The following ABL1 variants were observed in gnomAD, a reference collection of about 807,000 sequenced individuals.
ABL1 encodes ABL proto-oncogene 1, non-receptor tyrosine kinase, also known as tyrosine-protein kinase ABL1.
In ABL1, 11 loss-of-function variants were observed where a neutral mutation model predicts 94.7. That is an observed-to-expected ratio of 0.12 (90% CI 0.07 to 0.19). ABL1 has a LOEUF of 0.19. Among genes scored for constraint, ABL1 ranks in the 10% least tolerant of loss-of-function variants. The probability of loss-of-function intolerance (pLI) is 1.00; values close to 1 mark genes in which losing one functional copy is unlikely to be tolerated. For missense variants in ABL1, 1,082 were observed against 1,489.4 expected (o/e 0.73, Z 4.50); for synonymous variants, 656 against 622.4 (o/e 1.05, Z -0.80).
At chr9:130,816,025 T>TATAA (rs1830281661) in intron 1 of ABL1, among the ~76,000 whole-genome samples, 1 of 152,030 alleles carries the variant, frequency 6.6e-6, no homozygotes, top group African/African-American at 2.4e-5. Context: ...TCTCAAAAAA[T>TATAA]ATAAATAAAT....
chr9:130,750,937 G>A (rs1023770321), intron 1 of ABL1, among the ~76,000 whole-genome samples: 3 of 151,578 alleles, frequency 2.0e-5, no homozygotes, highest in African/African-American at 7.3e-5. Flanking sequence ...GAGCCACCAC[G>A]CCCGGCCTAC....
chr9:130,748,650 A>G (rs2132723312), intron 1 of ABL1, among the ~76,000 whole-genome samples: 1 of 151,144 alleles, frequency 6.6e-6, no homozygotes, highest in South Asian at 2.1e-4. Context: ...ATCTTGGCTC[A>G]CTGCAACCTT....
rs35062165 is a variant in ABL1, at chr9:130,887,072, C to T, written c.*1389C>T. On this transcript the variant is annotated 3_prime_UTR_variant, in exon 11 of 11. Coordinates refer to ENST00000318560, the MANE Select transcript of ABL1 (RefSeq NM_005157.6). ...GGGGCTGTGACTCTGGGCAGGGACC[C>T]GGGGTCTCCTGGACCTTGACAGAGC... 45 of 233,046 alleles carry T rather than the reference C, an allele frequency of 1.9e-4. No individual in the cohort carries two copies. Among genetic ancestry groups the T allele is most frequent in the East Asian group, 1.6e-3 (27 of 16,562 alleles). 14.4% of individuals were successfully genotyped at this position (233,046 alleles called of 1,614,324 possible).
chr9:130,838,832 A>C (rs1054567049), intron 1 of ABL1, among the ~76,000 whole-genome samples: 2 of 152,100 alleles, frequency 1.3e-5, no homozygotes, highest in African/African-American at 4.8e-5. Flanking sequence ...AATATTGTAC[A>C]TGTATGTGAC....
intron 1 of ABL1, among the ~76,000 whole-genome samples, chr9:130,815,556 CCT>C (rs576966846): frequency 1.3e-5 from 2 of 152,110 alleles, no homozygotes; most frequent in Non-Finnish European, 2.9e-5. Flanking sequence ...TGTCCAAGCC[CCT>C]GTCATCTCTC....
At chr9:130,877,069 A>T (rs992804898) in intron 7 of ABL1, among the ~76,000 whole-genome samples, 2 of 147,964 alleles carry the variant, frequency 1.4e-5, no homozygotes, top group Non-Finnish European at 1.5e-5. Flanking sequence ...TGGTGGTATT[A>T]TGAACTCTCA....
chr9:130,841,540 G>C (rs1272585351), intron 1 of ABL1, among the ~76,000 whole-genome samples: 3 of 152,042 alleles, frequency 2.0e-5, no homozygotes, highest in Non-Finnish European at 2.9e-5. Context: ...GGCCGGGCGC[G>C]GTGGCTGACG....
rs373455783 is a variant in ABL1, at chr9:130,771,732, T to TTTTCTTTCTTTCTTTCTTTC, written c.136+57281_136+57300dup. 4.0e-3 allele frequency among the ~76,000 whole-genome samples: 475 copies of TTTTCTTTCTTTCTTTCTTTC among 119,690 alleles called. 15 individuals carry two copies. Among genetic ancestry groups the TTTTCTTTCTTTCTTTCTTTC allele is most frequent in the African/African-American group, 0.013 (398 of 29,750 alleles). The allele number at this position is 119,690 out of a possible 152,430, so 78.5% of individuals were successfully genotyped here. A position where few individuals can be genotyped will look rare whatever the true frequency, so the allele number is the denominator to read the frequency against. On this transcript the variant is annotated intron_variant, in intron 1 of 10. Coordinates refer to the ABL1 transcript ENST00000372348. ...GTATAGTTTCCTTGGTCAAATGACT[T>TTTTCTTTCTTTCTTTCTTTC]TTTCTTTCTTTCTTTCTTTCTTTTT...
intron 1 of ABL1, among the ~76,000 whole-genome samples, chr9:130,824,819 AAT>A (rs1212098691): frequency 6.6e-6 from 1 of 152,126 alleles, no homozygotes; most frequent in African/African-American, 2.4e-5. Flanking sequence ...TTGTTCAGTT[AAT>A]ATGTAGTTCT....
chr9:130,779,411 G>GC (rs1829726465), intron 1 of ABL1, among the ~76,000 whole-genome samples: 1 of 152,148 alleles, frequency 6.6e-6, no homozygotes, highest in Non-Finnish European at 1.5e-5. Context: ...CCTCTGTGCT[G>GC]CCCCCCACCA....
At chr9:130,830,126 A>T (rs181714689) in intron 1 of ABL1, among the ~76,000 whole-genome samples, 29 of 152,316 alleles carry the variant, frequency 1.9e-4, no homozygotes, top group East Asian at 5.8e-4. Flanking sequence ...AAATTAATTT[A>T]AAAAAATGAG....
intron 1 of ABL1, among the ~76,000 whole-genome samples, chr9:130,852,663 C>T (rs947736748): frequency 9.2e-5 from 14 of 151,890 alleles, no homozygotes; most frequent in Admixed American, 2.6e-4. Context: ...AATTCTGGAG[C>T]GTTTGAGCCC....
intron 1 of ABL1, among the ~76,000 whole-genome samples, chr9:130,750,937 G>T (rs1023770321): frequency 6.6e-6 from 1 of 151,578 alleles, no homozygotes; most frequent in Non-Finnish European, 1.5e-5. Context: ...GAGCCACCAC[G>T]CCCGGCCTAC....
At chr9:130,871,038 T>C (rs1831242868) in intron 4 of ABL1, among the ~76,000 whole-genome samples, 1 of 152,214 alleles carries the variant, frequency 6.6e-6, no homozygotes, top group African/African-American at 2.4e-5. Context: ...AGAAAGTTGA[T>C]CAAGCCTTCC....
At position 130,812,854 on chromosome 9, in the gene ABL1, A is replaced by G. The variant is rs555751418; in HGVS notation, c.137-41210A>G. ...AGAACATTCGACCCCTAAACAGCAG[A>G]ATACACGTTCTTTTCAAGTGCATAT... On this transcript the variant is annotated intron_variant, in intron 1 of 10. Transcript: ENST00000372348. 1.5e-4 allele frequency among the ~76,000 whole-genome samples: 23 copies of G among 152,358 alleles called. No homozygotes were observed. The South Asian group carries it at 4.8e-3, about 32-fold the overall frequency.
At chr9:130,718,877 A>AT (rs1261411661) in intron 1 of ABL1, among the ~76,000 whole-genome samples, 1 of 152,120 alleles carries the variant, frequency 6.6e-6, no homozygotes, top group Non-Finnish European at 1.5e-5. Flanking sequence ...GCAAGACCCC[A>AT]TCTCAAAACA....
rs561647028 is a variant in ABL1, at chr9:130,739,574, C to T, written c.136+25119C>T. Among the ~76,000 whole-genome samples the T allele has an allele frequency of 2.0e-5, 3 of 152,240 alleles. No homozygotes were observed. In the South Asian group the frequency reaches 6.2e-4, roughly 32 times the overall value. ...AGCATGATCAATGATACTTTAACCCCTATTCAAATGAAAGTTATCCTAATT... is the reference window on the plus strand; with the variant it reads ...AGCATGATCAATGATACTTTAACCCTTATTCAAATGAAAGTTATCCTAATT... On this transcript the variant is annotated intron_variant, in intron 1 of 10. Transcript: ENST00000372348.
At chr9:130,799,814 C>T (rs1013774778) in intron 1 of ABL1, among the ~76,000 whole-genome samples, 29 of 152,046 alleles carry the variant, frequency 1.9e-4, no homozygotes, top group African/African-American at 7.0e-4. Flanking sequence ...TGGACGCTAC[C>T]TTGACAGAGT....
chr9:130,886,496 T>C lies in ABL1; in HGVS notation c.*813T>C, dbSNP rs3088012. ...TTGAGTCTCAAGGGTGGCAGGTCAC[T>C]GTCACTGCCGACATCCCTCCCCCAG... On this transcript the variant is annotated 3_prime_UTR_variant, in exon 11 of 11. Coordinates refer to ENST00000318560, the MANE Select transcript of ABL1 (RefSeq NM_005157.6). 16,858 of 233,404 alleles carry C rather than the reference T, an allele frequency of 0.072. 700 individuals are homozygous for C. Among genetic ancestry groups the C allele is most frequent in the South Asian group, 0.11 (594 of 5,530 alleles). The allele number at this position is 233,404 out of a possible 1,614,324, so 14.5% of individuals were successfully genotyped here. A position where few individuals can be genotyped will look rare whatever the true frequency, so the allele number is the denominator to read the frequency against.
Sources: gnomAD v4.1 joint callset for allele counts (sites outside exome capture counted in the v4.1 genomes callset) on GRCh38, gnomAD v4.1.1 for gene constraint, MANE v1.5 for transcripts, NCBI Gene and HGNC (gene_info 2026-07-23, HGNC 2026-07-21) for gene names.